JAKMIP1: variants seen among roughly 807,000 people sequenced by gnomAD.
The protein encoded by JAKMIP1 is janus kinase and microtubule-interacting protein 1.
Under a neutral mutation model 113.0 loss-of-function variants are expected in JAKMIP1, and 33 were observed. The observed-to-expected ratio is 0.29, with a 90% confidence interval of 0.22 to 0.39. The LOEUF (loss-of-function observed/expected upper bound fraction) is 0.39, where lower values mean the gene tolerates loss of function less well. JAKMIP1 is among the 10% of genes least tolerant of loss of function. The pLI, the probability that JAKMIP1 is intolerant of heterozygous loss-of-function variation, is 1.00. For synonymous variants in JAKMIP1, 480 were observed against 459.9 expected (o/e 1.04, Z -0.56); for missense variants, 813 against 1,080.5 (o/e 0.75, Z 3.47).
Position 6,070,622 on chromosome 4 carries a change from G to A in JAKMIP1, c.1303-5614C>T, listed in dbSNP as rs972035302. On this transcript the variant is annotated intron_variant, in intron 8 of 20. Coordinates refer to ENST00000409021, the MANE Select transcript of JAKMIP1 (RefSeq NM_001099433.2). ...GTCCCCAGACAATCGCAAGGCCCCC[G>A]GGGCAGCACTAGCAATGGCAACGCC... is the stretch of plus-strand genomic sequence containing the variant. 1.1e-4 allele frequency among the ~76,000 whole-genome samples: 16 copies of A among 152,360 alleles called. 1 individual carries two copies. The South Asian group carries it at 2.1e-3, about 20-fold the overall frequency.
chr4:6,048,261 T>C (rs547510134), intron 16 of JAKMIP1, among the ~76,000 whole-genome samples: 1 of 152,358 alleles, frequency 6.6e-6, no homozygotes, highest in Admixed American at 6.5e-5. Context: ...TTCTGGACAC[T>C]GTTTTGACAA....
intron 8 of JAKMIP1, among the ~76,000 whole-genome samples, chr4:6,070,615 G>A (rs1273509588): frequency 6.6e-6 from 1 of 152,232 alleles, no homozygotes; most frequent in African/African-American, 2.4e-5. Flanking sequence ...ACAATCGCAA[G>A]GCCCCCGGGG....
At chr4:6,102,055 T>C (rs1375602091) in intron 3 of JAKMIP1, among the ~76,000 whole-genome samples, 1 of 152,226 alleles carries the variant, frequency 6.6e-6, no homozygotes, top group Non-Finnish European at 1.5e-5. Context: ...CTTAAGTTTT[T>C]CTCAGCAATG....
In JAKMIP1 at chr4:6,040,828, T is replaced by A; in HGVS notation, c.2098-112A>T. 1 of 782,360 alleles carries A rather than the reference T, an allele frequency of 1.3e-6. No individual in the cohort carries two copies. Among genetic ancestry groups the A allele is most frequent in the South Asian group, 1.5e-5 (1 of 67,822 alleles). 48.5% of individuals were successfully genotyped at this position (782,360 alleles called of 1,614,324 possible). On this transcript the variant is annotated intron_variant, in intron 17 of 20. Coordinates refer to ENST00000409021, the MANE Select transcript of JAKMIP1 (RefSeq NM_001099433.2). This position sits in a 1 kb window ranked among gnomAD's most constrained non-coding sequence, Gnocchi z 5.8. ...TCTCACCGAATTGGGGGCACTCAGA[T>A]GAGAAGGGACTTGGTGGTCTTCCCC...
Position 6,106,494 on chromosome 4 carries a change from G to A in JAKMIP1, c.130-527C>T, listed in dbSNP as rs1403489352. On this transcript the variant is annotated intron_variant, in intron 2 of 20. Coordinates refer to ENST00000409021, the MANE Select transcript of JAKMIP1 (RefSeq NM_001099433.2). The surrounding 1 kb of genome is among the most constrained non-coding windows in gnomAD (Gnocchi z 5.9). ...CCACATTGCCACATGAACCCCTCAC[G>A]GTCTTGGGAAGGAAGTAGCGTGCTC... Among the ~76,000 whole-genome samples the A allele has an allele frequency of 4.6e-5, 7 of 151,894 alleles. No homozygotes were observed. Among genetic ancestry groups the A allele is most frequent in the African/African-American group, 1.5e-4 (6 of 41,346 alleles).
At position 6,167,007 on chromosome 4, in the gene JAKMIP1, T is replaced by C. The variant is rs1024116868; in HGVS notation, c.-148+33246A>G. Among the ~76,000 whole-genome samples the C allele has an allele frequency of 6.6e-6, 1 of 151,646 alleles. No homozygotes were observed. The highest frequency in any genetic ancestry group is 2.4e-5 in the African/African-American group (1 of 41,284). ...TCAGAATAGGGGTTATAATGACCCC[T>C]ACCTCCTAGGGTCTCTCAAATACTG... On this transcript the variant is annotated intron_variant, in intron 1 of 20. Transcript: ENST00000409021. This position sits in a 1 kb window ranked among gnomAD's most constrained non-coding sequence, Gnocchi z 5.3.
At chr4:6,121,441 G>A (rs1300408892) in intron 1 of JAKMIP1, among the ~76,000 whole-genome samples, 3 of 152,172 alleles carry the variant, frequency 2.0e-5, no homozygotes, top group African/African-American at 2.4e-5. Context: ...CTCACCTTCC[G>A]AAGAACGGTG....
intron 3 of JAKMIP1, among the ~76,000 whole-genome samples, chr4:6,103,603 G>T (rs972456625): frequency 6.6e-6 from 1 of 152,204 alleles, no homozygotes; most frequent in Non-Finnish European, 1.5e-5. Flanking sequence ...ACACTTGAAA[G>T]AATTTACTTG....
At chr4:6,175,827 A>G (rs1725284166) in intron 1 of JAKMIP1, among the ~76,000 whole-genome samples, 1 of 152,256 alleles carries the variant, frequency 6.6e-6, no homozygotes, top group African/African-American at 2.4e-5. Context: ...CTTTAAAGAG[A>G]TTAAATGGCT....
intron 1 of JAKMIP1, among the ~76,000 whole-genome samples, chr4:6,145,575 AT>A (rs1720738933): frequency 6.6e-6 from 1 of 152,302 alleles, no homozygotes; most frequent in East Asian, 1.9e-4. Context: ...TTGAAGAGAT[AT>A]TTGTGCACCA....
chr4:6,165,260 T>C (rs377105962), intron 1 of JAKMIP1, among the ~76,000 whole-genome samples: 9 of 152,354 alleles, frequency 5.9e-5, no homozygotes, highest in East Asian at 1.9e-4. Context: ...TCATCAGCAT[T>C]ATTTAGCTAA....
chr4:6,112,123 TCATGCATGAGTTC>T (rs532958878), intron 2 of JAKMIP1, among the ~76,000 whole-genome samples: 18 of 152,342 alleles, frequency 1.2e-4, no homozygotes, highest in Admixed American at 1.0e-3. Context: ...GAGGATGCCT[TCATGCATGAGTTC>T]CTATATGATG....
rs1215190651 is a variant in JAKMIP1 at position 6,088,062 on chromosome 4, G to A, written c.625-2433C>T. Among the ~76,000 whole-genome samples the A allele has an allele frequency of 6.6e-6, 1 of 152,226 alleles. No individual in the cohort carries two copies. The highest frequency in any genetic ancestry group is 1.5e-5 in the Non-Finnish European group (1 of 68,050). On this transcript the variant is annotated intron_variant, in intron 3 of 20. Transcript: ENST00000409021. This position sits in a 1 kb window ranked among gnomAD's most constrained non-coding sequence, Gnocchi z 5.5. ...AAGCAAAAATCATTATGCAGAAGGA[G>A]TTTATTCATTTAATTCACTCAAGCA...
In JAKMIP1 at chr4:6,065,896, A is replaced by G. The variant is rs1718000628; in HGVS notation, c.1303-888T>C. Among the ~76,000 whole-genome samples the G allele has an allele frequency of 6.6e-6, 1 of 152,238 alleles. No homozygotes were observed. Among genetic ancestry groups the G allele is most frequent in the African/African-American group, 2.4e-5 (1 of 41,462 alleles). On this transcript the variant is annotated intron_variant, in intron 8 of 20. Transcript: ENST00000409021. The surrounding 1 kb of genome is among the most constrained non-coding windows in gnomAD (Gnocchi z 5.1). ...AATACAATAGGATCATAACCAGGCCAGGTCCCTGCCCCAAGGAGCTTGCAT... is the reference window on the plus strand; with the variant it reads ...AATACAATAGGATCATAACCAGGCCGGGTCCCTGCCCCAAGGAGCTTGCAT...
rs1474983593 is a variant in JAKMIP1 at position 6,044,551 on chromosome 4, G to C, written c.2029-2324C>G. 6.6e-6 allele frequency among the ~76,000 whole-genome samples: 1 copy of C among 152,138 alleles called. No homozygotes were observed. Among genetic ancestry groups the C allele is most frequent in the African/African-American group, 2.4e-5 (1 of 41,438 alleles). ...CAAGATGCGTGGTTTCTTAGAAACA[G>C]ATAAGCATATTTTGGATGGGGAGTT... On this transcript the variant is annotated intron_variant, in intron 16 of 20. Coordinates refer to ENST00000409021, the MANE Select transcript of JAKMIP1 (RefSeq NM_001099433.2). The surrounding 1 kb of genome is among the most constrained non-coding windows in gnomAD (Gnocchi z 4.4).
intron 1 of JAKMIP1, among the ~76,000 whole-genome samples, chr4:6,117,247 A>G (rs531382649): frequency 1.3e-5 from 2 of 152,058 alleles, no homozygotes; most frequent in Non-Finnish European, 2.9e-5. Flanking sequence ...GTTCTTTTCT[A>G]TTTTTCTAAG....
rs1178194708 is a variant in JAKMIP1, at chr4:6,086,987, A to T, written c.625-1358T>A. Among the ~76,000 whole-genome samples, 1 of 152,170 alleles carries T rather than the reference A, an allele frequency of 6.6e-6. No homozygotes were observed. Among genetic ancestry groups the T allele is most frequent in the Admixed American group, 6.5e-5 (1 of 15,276 alleles). Reference sequence around the variant, plus strand: ...TGGGCATGCAGACACCTTGATTTCAATCTCCTGGCCTCCAGAACTGTATAG... The same window carrying T: ...TGGGCATGCAGACACCTTGATTTCATTCTCCTGGCCTCCAGAACTGTATAG... On this transcript the variant is annotated intron_variant, in intron 3 of 20. Coordinates refer to ENST00000409021, the MANE Select transcript of JAKMIP1 (RefSeq NM_001099433.2). The surrounding 1 kb of genome is among the most constrained non-coding windows in gnomAD (Gnocchi z 4.1).
At chr4:6,056,606 T>C (rs1716505187) in intron 12 of JAKMIP1, 91 bp downstream of exon 12, 4 of 939,474 alleles carry the variant, frequency 4.3e-6, no homozygotes, top group Non-Finnish European at 5.2e-6. Context: ...AGTGCCCAAA[T>C]GGCGCTGGGC....
At chr4:6,198,441 G>T (rs1479701405) in intron 1 of JAKMIP1, among the ~76,000 whole-genome samples, 1 of 152,180 alleles carries the variant, frequency 6.6e-6, no homozygotes, top group Non-Finnish European at 1.5e-5. Context: ...GGGGAAGCCA[G>T]GATGTGAGGA....
Sources: allele counts gnomAD v4.1 joint callset (sites outside exome capture counted in the v4.1 genomes callset), GRCh38; gene constraint gnomAD v4.1.1; non-coding constraint Gnocchi (gnomAD v3.1); transcripts MANE v1.5; gene names NCBI Gene and HGNC (gene_info 2026-07-23, HGNC 2026-07-21).